NRG3: variants seen among roughly 807,000 people sequenced by gnomAD.
NRG3 encodes neuregulin 3.
A neutral mutation model predicts 66.9 loss-of-function variants in NRG3; 31 were observed. The observed-to-expected ratio is 0.46, with a 90% CI of 0.35 to 0.63. The LOEUF is 0.63. Ranked by LOEUF, NRG3 falls within the 20% of genes least tolerant of loss-of-function variation. The probability of loss-of-function intolerance (pLI) is 0.00; values close to 1 mark genes in which losing one functional copy is unlikely to be tolerated. For missense variants in NRG3, 910 were observed against 878.9 expected, an observed-to-expected ratio of 1.04 and a Z score of -0.45; for synonymous variants, 393 against 359.4, an observed-to-expected ratio of 1.09 and a Z score of -1.06.
chr10:82,823,012 A>G (rs1188736915), intron 3 of NRG3, among the ~76,000 whole-genome samples: 1 of 152,206 alleles, frequency 6.6e-6, no homozygotes, highest in African/African-American at 2.4e-5. Flanking sequence ...GTAGAGTGCT[A>G]GCCTCATTGT....
chr10:82,917,994 G>GTATA (rs1554841559), intron 4 of NRG3, among the ~76,000 whole-genome samples: 2 of 108,992 alleles, frequency 1.8e-5, no homozygotes, highest in African/African-American at 3.6e-5. Context: ...ATATATATAT[G>GTATA]TATGTATGTA....
intron 3 of NRG3, among the ~76,000 whole-genome samples, chr10:82,747,030 T>C (rs1213621555): frequency 6.6e-6 from 1 of 151,918 alleles, no homozygotes; most frequent in Non-Finnish European, 1.5e-5. Flanking sequence ...CTGCTGTGAG[T>C]TGTGATTGCG....
At chr10:82,858,999 T>A (rs1482734852) in intron 3 of NRG3, 1 of 144,962 alleles carries the variant, frequency 6.9e-6, no homozygotes, top group Non-Finnish European at 1.5e-5. Flanking sequence ...CAGGCTGGAG[T>A]GCAGTGACAC....
intron 1 of NRG3, among the ~76,000 whole-genome samples, chr10:82,031,542 T>C (rs2132886328): frequency 6.6e-6 from 1 of 152,248 alleles, no homozygotes; most frequent in East Asian, 1.9e-4. Flanking sequence ...AATGCTAACA[T>C]ATTATTGTAT....
intron 2 of NRG3, among the ~76,000 whole-genome samples, chr10:82,491,012 C>T (rs1416976917): frequency 6.6e-6 from 1 of 151,920 alleles, no homozygotes; most frequent in Non-Finnish European, 1.5e-5. Flanking sequence ...CCATCTGACT[C>T]AGAAACAGTT....
intron 2 of NRG3, among the ~76,000 whole-genome samples, chr10:82,359,390 G>A (rs2083980570): frequency 6.6e-6 from 1 of 152,158 alleles, no homozygotes; most frequent in Non-Finnish European, 1.5e-5. Context: ...TAACACCTCT[G>A]ATGAAACACT....
intron 4 of NRG3, among the ~76,000 whole-genome samples, chr10:82,868,638 T>C (rs1031400790): frequency 3.3e-5 from 5 of 152,234 alleles, no homozygotes; most frequent in African/African-American, 1.2e-4. Context: ...ATTGTTCTAA[T>C]TGAATATGTA....
chr10:82,898,843 T>C (rs552659830), intron 4 of NRG3, among the ~76,000 whole-genome samples: 2 of 147,508 alleles, frequency 1.4e-5, no homozygotes, highest in African/African-American at 5.0e-5. Context: ...TGCCTCAGCC[T>C]CCCTAGTAGT....
intron 1 of NRG3, among the ~76,000 whole-genome samples, chr10:82,192,591 A>G (rs1487668733): frequency 3.3e-5 from 5 of 152,132 alleles, no homozygotes; most frequent in East Asian, 1.9e-4. Flanking sequence ...CCTGAGGCAC[A>G]TGACTTTGCC....
At chr10:82,481,670 A>G (rs1256776879) in intron 2 of NRG3, among the ~76,000 whole-genome samples, 1 of 152,216 alleles carries the variant, frequency 6.6e-6, no homozygotes, top group Non-Finnish European at 1.5e-5. Flanking sequence ...TATGTAGTTG[A>G]AATTAGTTCA....
At chr10:81,961,866 C>T (rs1359985658) in intron 1 of NRG3, among the ~76,000 whole-genome samples, 6 of 152,184 alleles carry the variant, frequency 3.9e-5, no homozygotes, top group Admixed American at 3.3e-4. Flanking sequence ...AGGCAGTAGC[C>T]GACGTTTTTG....
At chr10:82,160,498 T>G (rs575898322) in intron 1 of NRG3, among the ~76,000 whole-genome samples, 21 of 151,968 alleles carry the variant, frequency 1.4e-4, no homozygotes, top group African/African-American at 3.4e-4. Flanking sequence ...AATTTCTTTT[T>G]TTTTGTTTTG....
intron 2 of NRG3, among the ~76,000 whole-genome samples, chr10:82,697,774 T>A (rs1591213278): frequency 6.6e-6 from 1 of 152,016 alleles, no homozygotes; most frequent in East Asian, 1.9e-4. Context: ...GGTAGCTGGG[T>A]AGGGGCAGGG....
At chr10:82,057,925 C>A (rs919535703) in intron 1 of NRG3, among the ~76,000 whole-genome samples, 12 of 152,004 alleles carry the variant, frequency 7.9e-5, no homozygotes, top group African/African-American at 2.7e-4. Flanking sequence ...AGAAAACTTC[C>A]CATTCTAGTG....
At chr10:81,901,024 T>C (rs1844019732) in intron 1 of NRG3, among the ~76,000 whole-genome samples, 1 of 152,216 alleles carries the variant, frequency 6.6e-6, no homozygotes, top group South Asian at 2.1e-4. Flanking sequence ...GAAATGCTTA[T>C]TGATATTTAA....
rs150606512 is a variant in NRG3, at chr10:82,532,512, T to G, written c.953+173644T>G. Among the ~76,000 whole-genome samples, 945 of 147,598 alleles carry G rather than the reference T, an allele frequency of 6.4e-3. 10 individuals carry two copies. The highest frequency in any genetic ancestry group is 0.022 in the African/African-American group (881 of 40,644). Reference sequence around the variant, plus strand: ...CTATATATAGTACTATATACATCTATATGTATATAGTACTATACATATAGT... The same window carrying G: ...CTATATATAGTACTATATACATCTAGATGTATATAGTACTATACATATAGT... On this transcript the variant is annotated intron_variant, in intron 2 of 8. Transcript: ENST00000372141.
chr10:82,404,515 C>A (rs2087354424), intron 2 of NRG3, among the ~76,000 whole-genome samples: 1 of 152,122 alleles, frequency 6.6e-6, no homozygotes, highest in Non-Finnish European at 1.5e-5. Context: ...TTTCTCACTC[C>A]AAATCTTGCT....
At chr10:82,186,825 G>A (rs1318512033) in intron 1 of NRG3, among the ~76,000 whole-genome samples, 2 of 152,178 alleles carry the variant, frequency 1.3e-5, no homozygotes. Context: ...AGATTCTGAG[G>A]CTTTGAGATA....
At chr10:82,493,898 A>G (rs1200451281) in intron 2 of NRG3, among the ~76,000 whole-genome samples, 1 of 152,152 alleles carries the variant, frequency 6.6e-6, no homozygotes, top group African/African-American at 2.4e-5. Flanking sequence ...AACTTACAAC[A>G]AAAAACAGCC....
Sources: allele counts gnomAD v4.1 joint callset (sites outside exome capture counted in the v4.1 genomes callset), GRCh38; gene constraint gnomAD v4.1.1; transcripts MANE v1.5; gene names NCBI Gene and HGNC (gene_info 2026-07-23, HGNC 2026-07-21).